Variants in IGF2BP3 observed in about 807,000 individuals in gnomAD.
IGF2BP3 encodes the protein insulin-like growth factor 2 mRNA-binding protein 3.
A neutral mutation model predicts 73.8 loss-of-function variants in IGF2BP3; 9 were observed. The observed-to-expected ratio is 0.12, with a 90% CI of 0.07 to 0.21. The LOEUF (loss-of-function observed/expected upper bound fraction) is 0.21, where lower values mean the gene tolerates loss of function less well. IGF2BP3 is among the 10% of genes least tolerant of loss of function. IGF2BP3 has a pLI of 1.00. For synonymous variants in IGF2BP3, 258 were observed against 256.7 expected, an observed-to-expected ratio of 1.01 and a Z score of -0.05; for missense variants, 542 against 714.0, an observed-to-expected ratio of 0.76 and a Z score of 2.75.
chr7:23,456,376 G>A (rs113640747), intron 2 of IGF2BP3, among the ~76,000 whole-genome samples: 1,602 of 152,234 alleles, frequency 0.011, 12 homozygotes, highest in South Asian at 0.031. Flanking sequence ...TCTTTTGGAA[G>A]CTAATTCTTA....
chr7:23,320,231 G>GA (rs773382194), intron 10 of IGF2BP3, among the ~76,000 whole-genome samples: 5 of 152,030 alleles, frequency 3.3e-5, no homozygotes, highest in African/African-American at 4.8e-5. Flanking sequence ...TTTTATACAT[G>GA]AAAAAATTAG....
intron 12 of IGF2BP3, among the ~76,000 whole-genome samples, 197 bp downstream of exon 12, chr7:23,317,442 A>C (rs1200669000): frequency 6.6e-6 from 1 of 152,230 alleles, no homozygotes; most frequent in African/African-American, 2.4e-5. Flanking sequence ...AAATCCAGCA[A>C]CCAGTACAGA....
chr7:23,317,817 T>C, intron 11 of IGF2BP3, 104 bp from the exon 12 acceptor site: 1 of 933,894 alleles, frequency 1.1e-6, no homozygotes, highest in South Asian at 1.4e-5. Flanking sequence ...AAATGCAGAA[T>C]TAAAGCCTTC....
chr7:23,351,506 T>G lies in IGF2BP3; in HGVS notation c.482A>C (p.Gln161Pro). The G allele has an allele frequency of 6.2e-7, 1 of 1,614,126 alleles. No individual in the cohort carries two copies. The highest frequency in any genetic ancestry group is 8.5e-7 in the Non-Finnish European group (1 of 1,180,018). Residue 161 changes from glutamine (Q) to proline (P), a missense_variant, in exon 6 of 15, where the codon CAG (glutamine) becomes CCG (proline). Coordinates refer to ENST00000258729, the MANE Select transcript of IGF2BP3 (RefSeq NM_006547.3). Reference sequence around the variant, plus strand: ...TCGGGGCTGCTGCAAGGGGTTTTGCTGGGCGGCCATTTCATCAGGGATATA... The same window carrying G: ...TCGGGGCTGCTGCAAGGGGTTTTGCGGGGCGGCCATTTCATCAGGGATATA... Reference protein sequence around the residue: ...VAYIPDEMAAQQNPLQQPRGR... With the variant: ...VAYIPDEMAAPQNPLQQPRGR...
intron 2 of IGF2BP3, among the ~76,000 whole-genome samples, chr7:23,421,168 C>A (rs1787333783): frequency 6.6e-6 from 1 of 152,014 alleles, no homozygotes; most frequent in Non-Finnish European, 1.5e-5. Flanking sequence ...CGCCATCACA[C>A]CCAGCTAATT....
chr7:23,466,475 T>C (rs956569297), intron 2 of IGF2BP3, among the ~76,000 whole-genome samples: 9 of 152,244 alleles, frequency 5.9e-5, no homozygotes, highest in Non-Finnish European at 1.0e-4. Flanking sequence ...AACTTGAAAA[T>C]TCAATTTACA....
intron 3 of IGF2BP3, among the ~76,000 whole-genome samples, chr7:23,405,515 G>A (rs1249177575): frequency 6.6e-6 from 1 of 152,230 alleles, no homozygotes; most frequent in Non-Finnish European, 1.5e-5. Flanking sequence ...TGTAGTTTAG[G>A]CTGGAGAAGC....
At chr7:23,315,228 C>T (rs897985335) in intron 12 of IGF2BP3, among the ~76,000 whole-genome samples, 4 of 152,016 alleles carry the variant, frequency 2.6e-5, no homozygotes, top group South Asian at 2.1e-4. Flanking sequence ...CTGCCTCAGC[C>T]TCCTAAGTAG....
chr7:23,416,768 T>C (rs1252951150), intron 3 of IGF2BP3, among the ~76,000 whole-genome samples: 2 of 152,170 alleles, frequency 1.3e-5, no homozygotes, highest in South Asian at 2.1e-4. Context: ...ATAAAATATA[T>C]ACAGGCTGGG....
intron 10 of IGF2BP3, among the ~76,000 whole-genome samples, chr7:23,336,342 C>T (rs976245171): frequency 2.6e-5 from 4 of 152,106 alleles, no homozygotes; most frequent in Non-Finnish European, 5.9e-5. Context: ...TTCAAAGGAA[C>T]AGCAAGCTTC....
At chr7:23,436,210 G>GA (rs1434144951) in intron 2 of IGF2BP3, among the ~76,000 whole-genome samples, 1 of 152,122 alleles carries the variant, frequency 6.6e-6, no homozygotes, top group Non-Finnish European at 1.5e-5. Context: ...AACTAATCAG[G>GA]AAAATTGGAA....
chr7:23,422,363 T>G (rs1943146562), intron 2 of IGF2BP3, among the ~76,000 whole-genome samples: 2 of 152,136 alleles, frequency 1.3e-5, no homozygotes, highest in Non-Finnish European at 2.9e-5. Context: ...CCCAGCCTTT[T>G]GGGGGGCCAA....
At chr7:23,324,250 T>A (rs1295352347) in intron 10 of IGF2BP3, among the ~76,000 whole-genome samples, 1 of 150,128 alleles carries the variant, frequency 6.7e-6, no homozygotes, top group Non-Finnish European at 1.5e-5. Context: ...TCACCACCGA[T>A]CCCACAGAAA....
intron 2 of IGF2BP3, among the ~76,000 whole-genome samples, chr7:23,456,408 T>G (rs189194573): frequency 2.4e-3 from 365 of 152,336 alleles, no homozygotes; most frequent in Middle Eastern, 6.8e-3. Context: ...CCTCAAAATG[T>G]GGACCTTCTT....
chr7:23,445,145 C>T (rs1192162958), intron 2 of IGF2BP3, among the ~76,000 whole-genome samples: 2 of 152,170 alleles, frequency 1.3e-5, no homozygotes, highest in Admixed American at 1.3e-4. Context: ...CAGATGCTCA[C>T]ATATACATGT....
At chr7:23,376,129 A>G (rs2128514360) in intron 3 of IGF2BP3, among the ~76,000 whole-genome samples, 1 of 152,338 alleles carries the variant, frequency 6.6e-6, no homozygotes, top group South Asian at 2.1e-4. Context: ...CCACTTGCAA[A>G]AGGGCAAAGG....
At chr7:23,315,693 AT>A (rs1208183837) in intron 12 of IGF2BP3, among the ~76,000 whole-genome samples, 3 of 152,168 alleles carry the variant, frequency 2.0e-5, no homozygotes, top group Non-Finnish European at 4.4e-5. Flanking sequence ...TGACGTAGAT[AT>A]TACTATTACT....
chr7:23,333,318 CA>C (rs1784488412), intron 10 of IGF2BP3, among the ~76,000 whole-genome samples: 1 of 152,158 alleles, frequency 6.6e-6, no homozygotes, highest in African/African-American at 2.4e-5. Flanking sequence ...GTACTGGTTT[CA>C]GAGAGCAATT....
intron 3 of IGF2BP3, among the ~76,000 whole-genome samples, chr7:23,409,874 A>G (rs1786962228): frequency 6.6e-6 from 1 of 152,238 alleles, no homozygotes; most frequent in African/African-American, 2.4e-5. Context: ...CTTCATTAAA[A>G]TTTAAAACTT....
Sources: gnomAD v4.1 joint callset for allele counts (sites outside exome capture counted in the v4.1 genomes callset) on GRCh38, gnomAD v4.1.1 for gene constraint, MANE v1.5 for transcripts, NCBI Gene and HGNC (gene_info 2026-07-23, HGNC 2026-07-21) for gene names.